SH2D4B: variants seen among roughly 807,000 people sequenced by gnomAD.
The protein encoded by SH2D4B is SH2 domain containing 4B, also known as SH2 domain-containing protein 4B.
Under a neutral mutation model 61.5 loss-of-function variants are expected in SH2D4B, and 45 were observed. That is an observed-to-expected ratio of 0.73 (90% CI 0.58 to 0.94). The LOEUF is 0.94. Among genes scored for constraint, SH2D4B ranks in the 40% least tolerant of loss-of-function variants. SH2D4B has a pLI of 0.00. For synonymous variants in SH2D4B, 224 were observed against 220.4 expected, an observed-to-expected ratio of 1.02 and a Z score of -0.14; for missense variants, 572 against 574.2, an observed-to-expected ratio of 1.00 and a Z score of 0.04.
At chr10:80,625,925 C>T (rs756979209) in intron 6 of SH2D4B, among the ~76,000 whole-genome samples, 1 of 152,076 alleles carries the variant, frequency 6.6e-6, no homozygotes, top group African/African-American at 2.4e-5. Context: ...GATGCAGAGC[C>T]CACAGACAGG....
chr10:80,542,277 T>C (rs185583261), intron 1 of SH2D4B, among the ~76,000 whole-genome samples: 51 of 152,172 alleles, frequency 3.4e-4, no homozygotes, highest in Non-Finnish European at 5.7e-4. Context: ...TCCTCTCTGC[T>C]TACTCAGTCA....
At chr10:80,604,931 C>T (rs1250177383) in intron 5 of SH2D4B, among the ~76,000 whole-genome samples, 3 of 152,002 alleles carry the variant, frequency 2.0e-5, no homozygotes, top group East Asian at 1.9e-4. Context: ...GTAGCTGGGA[C>T]TATAGGTGCC....
chr10:80,644,201 A>T lies in SH2D4B; in HGVS notation c.*116A>T. 1 of 797,822 alleles carries T rather than the reference A, an allele frequency of 1.3e-6. No individual in the cohort carries two copies. 49.4% of individuals were successfully genotyped at this position (797,822 alleles called of 1,614,324 possible). ...AGATCCACCACTATCCAAAGGAAAA[A>T]GTAGATTAATATGCCTCAAGGGATA... On this transcript the variant is annotated 3_prime_UTR_variant, in exon 8 of 8. Coordinates refer to ENST00000646907, the MANE Select transcript of SH2D4B (RefSeq NM_001388272.1).
intron 5 of SH2D4B, chr10:80,607,236 A>G (rs1043281143): frequency 6.6e-6 from 1 of 152,244 alleles, no homozygotes; most frequent in African/African-American, 2.4e-5. Context: ...CTTCTAAGGA[A>G]AGCGAGTCCT....
intron 6 of SH2D4B, among the ~76,000 whole-genome samples, chr10:80,623,275 G>C (rs1842736304): frequency 6.6e-6 from 1 of 152,228 alleles, no homozygotes; most frequent in Non-Finnish European, 1.5e-5. Context: ...AGGCTGGGAA[G>C]TCGAAGATCA....
intron 3 of SH2D4B, among the ~76,000 whole-genome samples, chr10:80,578,865 G>A (rs920290544): frequency 3.3e-5 from 5 of 152,168 alleles, no homozygotes; most frequent in South Asian, 2.1e-4. Context: ...AAGGAGAGAA[G>A]GGATGGATAT....
intron 3 of SH2D4B, among the ~76,000 whole-genome samples, chr10:80,576,720 T>G (rs967971826): frequency 2.0e-5 from 3 of 152,244 alleles, no homozygotes; most frequent in Non-Finnish European, 4.4e-5. Context: ...GCGCCAGCCT[T>G]ATGACTAGCT....
At chr10:80,643,228 A>C (rs755673603) in intron 7 of SH2D4B, among the ~76,000 whole-genome samples, 7 of 147,448 alleles carry the variant, frequency 4.7e-5, no homozygotes, top group Non-Finnish European at 8.9e-5. Context: ...TTTGGTTTCC[A>C]GGTTCTTTAA....
chr10:80,625,707 G>A (rs937810002), intron 6 of SH2D4B, among the ~76,000 whole-genome samples: 36 of 151,526 alleles, frequency 2.4e-4, no homozygotes, highest in African/African-American at 8.5e-4. Flanking sequence ...TGAGTAGCTG[G>A]GACAACAGGC....
intron 6 of SH2D4B, among the ~76,000 whole-genome samples, chr10:80,625,573 C>CTTTTT (rs564697811): frequency 2.2e-5 from 3 of 136,618 alleles, no homozygotes; most frequent in Admixed American, 7.2e-5. Context: ...TTTTCTTTTT[C>CTTTTT]TTTTTTTTTC....
chr10:80,641,558 G>A (rs764414391), intron 7 of SH2D4B, among the ~76,000 whole-genome samples: 7 of 152,252 alleles, frequency 4.6e-5, no homozygotes, highest in Non-Finnish European at 8.8e-5. Flanking sequence ...CCAGGGCTAA[G>A]TTTTCATGGT....
At chr10:80,587,333 T>G (rs1842271431) in intron 3 of SH2D4B, among the ~76,000 whole-genome samples, 1 of 151,896 alleles carries the variant, frequency 6.6e-6, no homozygotes, top group Non-Finnish European at 1.5e-5. Context: ...CAGGGTGGAG[T>G]GCAGTGGTGC....
At chr10:80,623,894 T>C (rs774320666) in intron 6 of SH2D4B, among the ~76,000 whole-genome samples, 6 of 152,222 alleles carry the variant, frequency 3.9e-5, no homozygotes, top group African/African-American at 1.4e-4. Context: ...AAACCCAGAT[T>C]GTCTACAATT....
At chr10:80,559,753 T>C (rs1355105493) in intron 1 of SH2D4B, among the ~76,000 whole-genome samples, 1 of 151,102 alleles carries the variant, frequency 6.6e-6, no homozygotes, top group Non-Finnish European at 1.5e-5. Flanking sequence ...TCCTCCTGCC[T>C]AAGCCTCCCG....
chr10:80,639,136 C>T (rs1840242912), intron 7 of SH2D4B, among the ~76,000 whole-genome samples: 2 of 152,194 alleles, frequency 1.3e-5, no homozygotes, highest in African/African-American at 4.8e-5. Flanking sequence ...TTTGATTGCA[C>T]TGTGGTCTGA....
At chr10:80,618,732 T>C (rs1449552640) in intron 6 of SH2D4B, among the ~76,000 whole-genome samples, 2 of 152,126 alleles carry the variant, frequency 1.3e-5, no homozygotes, top group Non-Finnish European at 2.9e-5. Context: ...GTCAGATAAA[T>C]TGAGGTCCAT....
chr10:80,593,361 T>C (rs1285455019), intron 4 of SH2D4B, among the ~76,000 whole-genome samples: 2 of 152,250 alleles, frequency 1.3e-5, no homozygotes, highest in East Asian at 3.8e-4. Flanking sequence ...TCTAAGTCTT[T>C]AAAAATCTCT....
intron 4 of SH2D4B, among the ~76,000 whole-genome samples, chr10:80,602,066 C>T (rs17107311): frequency 0.18 from 27,125 of 152,110 alleles, 3,880 homozygotes; most frequent in African/African-American, 0.39. Context: ...GTTCCCTTTC[C>T]GGCATTTTCC....
intron 3 of SH2D4B, among the ~76,000 whole-genome samples, chr10:80,580,398 C>A (rs72805722): frequency 0.022 from 3,287 of 152,298 alleles, 39 homozygotes; most frequent in Middle Eastern, 0.044. Context: ...CCTCTGTAGA[C>A]TGGCCAGAAC....
Sources: allele counts gnomAD v4.1 joint callset (sites outside exome capture counted in the v4.1 genomes callset), GRCh38; gene constraint gnomAD v4.1.1; transcripts MANE v1.5; gene names NCBI Gene and HGNC (gene_info 2026-07-23, HGNC 2026-07-21).